Variants in TLK1 observed in about 807,000 individuals in gnomAD.
TLK1 encodes the protein tousled like kinase 1, also known as serine/threonine-protein kinase tousled-like 1.
TLK1 carries 24 observed loss-of-function variants against 105.3 expected under a neutral mutation model. That is an observed-to-expected ratio of 0.23 (90% confidence interval 0.17 to 0.32). The LOEUF (loss-of-function observed/expected upper bound fraction) is 0.32, where lower values mean the gene tolerates loss of function less well. Among genes scored for constraint, TLK1 ranks in the 10% least tolerant of loss-of-function variants. The pLI is 1.00. For missense variants in TLK1, 558 were observed against 910.5 expected (o/e 0.61, Z 4.98); for synonymous variants, 321 against 310.4 (o/e 1.03, Z -0.36).
At chr2:171,197,766 G>C (rs1463824148) in intron 1 of TLK1, among the ~76,000 whole-genome samples, 1 of 129,890 alleles carries the variant, frequency 7.7e-6, no homozygotes, top group Non-Finnish European at 1.7e-5. Context: ...GTGACAGAGT[G>C]AGACTCTGTC....
intron 11 of TLK1, among the ~76,000 whole-genome samples, chr2:171,028,800 A>T (rs773925552): frequency 2.0e-5 from 3 of 152,194 alleles, no homozygotes; most frequent in African/African-American, 4.8e-5. Flanking sequence ...TTGAGCGTAC[A>T]CTCTATAGTG....
chr2:171,075,014 A>G (rs980188824), intron 3 of TLK1, among the ~76,000 whole-genome samples: 3 of 152,056 alleles, frequency 2.0e-5, no homozygotes, highest in South Asian at 2.1e-4. Context: ...AGGTACTCAG[A>G]GTAAGGCATT....
intron 3 of TLK1, among the ~76,000 whole-genome samples, chr2:171,068,825 CTAAT>C (rs1361753532): frequency 2.0e-5 from 3 of 152,076 alleles, no homozygotes; most frequent in Non-Finnish European, 2.9e-5. Context: ...TAGCAGAAAA[CTAAT>C]TAGGTTATAA....
intron 12 of TLK1, among the ~76,000 whole-genome samples, chr2:171,021,433 CTTTTTT>C (rs531522490): frequency 1.8e-4 from 21 of 116,798 alleles, no homozygotes; most frequent in African/African-American, 6.7e-4. Flanking sequence ...CCCGCCCCGA[CTTTTTT>C]TTTTTTTTTT....
chr2:171,190,551 C>T (rs774417201), intron 1 of TLK1, among the ~76,000 whole-genome samples: 4 of 152,162 alleles, frequency 2.6e-5, no homozygotes, highest in Admixed American at 6.5e-5. Context: ...ACATTTCCAA[C>T]TTATGATGCT....
chr2:171,053,702 G>GT lies in TLK1; in HGVS notation c.732+58dup, dbSNP rs899752695. 5.2e-6 allele frequency: 7 copies of GT among 1,356,764 alleles called. No homozygotes were observed. The African/African-American group carries it at 8.9e-5, about 17-fold the overall frequency. 84.0% of individuals were successfully genotyped at this position (1,356,764 alleles called of 1,614,324 possible). On this transcript the variant is annotated intron_variant, in intron 8 of 20. Coordinates refer to ENST00000431350, the MANE Select transcript of TLK1 (RefSeq NM_012290.5). ...TACAATGCTAAGTATTTTCTGAACA[G>GT]TTTGACTGTTGCCAAATAATTTATT...
intron 1 of TLK1, among the ~76,000 whole-genome samples, chr2:171,205,804 A>G (rs1693496000): frequency 6.6e-6 from 1 of 152,210 alleles, no homozygotes; most frequent in South Asian, 2.1e-4. Flanking sequence ...GAGTTAAACC[A>G]CTATTTGAAA....
chr2:171,175,358 A>G (rs190393355), intron 1 of TLK1, among the ~76,000 whole-genome samples: 1 of 152,346 alleles, frequency 6.6e-6, no homozygotes, highest in East Asian at 1.9e-4. Context: ...ACATGTACAG[A>G]CTTTTCTTTT....
intron 12 of TLK1, among the ~76,000 whole-genome samples, chr2:171,025,451 A>T (rs1685728744): frequency 6.6e-6 from 1 of 152,200 alleles, no homozygotes; most frequent in African/African-American, 2.4e-5. Flanking sequence ...AATTTATTGA[A>T]GGGAGAAAGG....
rs115964603 is a variant in TLK1, at chr2:171,174,162, C to T, written c.-5-56305G>A. Among the ~76,000 whole-genome samples the T allele has an allele frequency of 3.6e-3, 552 of 152,190 alleles. 6 individuals carry two copies. The highest frequency in any genetic ancestry group is 0.012 in the African/African-American group (510 of 41,514). ...TCTTGTTGTCACCTGCCTGTTTTCC[C>T]AGTTTTATATCTGGTTACTCTCTCA... is the stretch of plus-strand genomic sequence containing the variant. On this transcript the variant is annotated intron_variant, in intron 1 of 20. Coordinates refer to the TLK1 transcript ENST00000521943.
intron 20 of TLK1, 36 bp downstream of exon 20, chr2:170,996,617 G>A: frequency 6.4e-7 from 1 of 1,552,618 alleles, no homozygotes; most frequent in Non-Finnish European, 8.8e-7. Context: ...TGAAAGAAAA[G>A]TTACTTCACA....
At chr2:171,205,447 T>A (rs573862648) in intron 1 of TLK1, among the ~76,000 whole-genome samples, 2 of 152,104 alleles carry the variant, frequency 1.3e-5, no homozygotes, top group African/African-American at 4.8e-5. Flanking sequence ...TTCAACCTTC[T>A]GAATAGCTGG....
chr2:171,226,498 C>A (rs1296904490), intron 1 of TLK1, among the ~76,000 whole-genome samples: 1 of 152,110 alleles, frequency 6.6e-6, no homozygotes, highest in African/African-American at 2.4e-5. Context: ...ATATAAAACT[C>A]ACTTCATGAG....
chr2:171,164,435 C>G (rs964878840), upstream of TLK1, among the ~76,000 whole-genome samples: 1 of 152,136 alleles, frequency 6.6e-6, no homozygotes, highest in Non-Finnish European at 1.5e-5. Context: ...GGGAGGATCA[C>G]TTGAACACAA....
rs150824824 is a variant in TLK1, at chr2:171,156,544, C to T, written c.139+3746G>A. Among the ~76,000 whole-genome samples, 29 of 152,314 alleles carry T rather than the reference C, an allele frequency of 1.9e-4. No homozygotes were observed. In the East Asian group the frequency reaches 5.4e-3, roughly 28 times the overall value. On this transcript the variant is annotated intron_variant, in intron 1 of 20. Coordinates refer to ENST00000431350, the MANE Select transcript of TLK1 (RefSeq NM_012290.5). ...GTCTATTTCTCATAAGATTTTCAAA[C>T]CTCCGTTCTGGTTTCTCTCTTTTAT...
chr2:171,059,986 C>T (rs766502722), intron 4 of TLK1: 2 of 1,612,480 alleles, frequency 1.2e-6, no homozygotes, highest in Admixed American at 1.7e-5. Flanking sequence ...GTTGGGGAAC[C>T]CTGCAGAAGA....
At chr2:171,195,947 A>T (rs933101418) in intron 1 of TLK1, among the ~76,000 whole-genome samples, 8 of 151,108 alleles carry the variant, frequency 5.3e-5, no homozygotes, top group African/African-American at 1.9e-4. Flanking sequence ...GGGAGGTGGG[A>T]GACTCACTTG....
intron 1 of TLK1, among the ~76,000 whole-genome samples, chr2:171,186,069 T>C (rs912862281): frequency 1.3e-5 from 2 of 152,258 alleles, no homozygotes; most frequent in African/African-American, 4.8e-5. Context: ...CAAGTGACTT[T>C]GGGATGCTTC....
At chr2:171,115,802 T>TA (rs1690399738) in intron 2 of TLK1, among the ~76,000 whole-genome samples, 1 of 152,134 alleles carries the variant, frequency 6.6e-6, no homozygotes, top group Non-Finnish European at 1.5e-5. Context: ...GAAAACACAG[T>TA]AAGGACTGCA....
Sources: allele counts gnomAD v4.1 joint callset (sites outside exome capture counted in the v4.1 genomes callset), GRCh38; gene constraint gnomAD v4.1.1; transcripts MANE v1.5; gene names NCBI Gene and HGNC (gene_info 2026-07-23, HGNC 2026-07-21).